The following TMEM178B variants were observed in gnomAD, a reference collection of about 807,000 sequenced individuals.
TMEM178B encodes transmembrane protein 178B.
TMEM178B carries 5 observed loss-of-function variants against 31.0 expected under a neutral mutation model. The ratio of observed to expected loss-of-function variants is 0.16; its 90% CI spans 0.08 to 0.34. TMEM178B has a LOEUF of 0.34. Among genes scored for constraint, TMEM178B ranks in the 10% least tolerant of loss-of-function variants. The pLI is 1.00. For synonymous variants in TMEM178B, 164 were observed against 164.0 expected (o/e 1.00, Z 0.00); for missense variants, 275 against 400.3 (o/e 0.69, Z 2.67).
intron 2 of TMEM178B, among the ~76,000 whole-genome samples, chr7:141,291,663 C>G (rs987258206): frequency 6.6e-6 from 1 of 152,034 alleles, no homozygotes; most frequent in African/African-American, 2.4e-5. Flanking sequence ...TAGCAAGAAC[C>G]CTGTGCCGAT....
intron 2 of TMEM178B, among the ~76,000 whole-genome samples, chr7:141,349,242 C>A (rs1799670508): frequency 6.6e-6 from 1 of 151,942 alleles, no homozygotes; most frequent in Non-Finnish European, 1.5e-5. Flanking sequence ...CTGATATTTC[C>A]TTTCTGTATT....
At chr7:141,360,044 C>G (rs559704076) in intron 2 of TMEM178B, among the ~76,000 whole-genome samples, 1 of 152,174 alleles carries the variant, frequency 6.6e-6, no homozygotes, top group Non-Finnish European at 1.5e-5. Flanking sequence ...TCCCACAACA[C>G]ATGGGAATTA....
chr7:141,317,085 G>A (rs1227716084), intron 2 of TMEM178B, among the ~76,000 whole-genome samples: 1 of 152,024 alleles, frequency 6.6e-6, no homozygotes, highest in African/African-American at 2.4e-5. Flanking sequence ...TCCTTTAGTA[G>A]ACATAGACCA....
At chr7:141,457,240 A>T (rs1309462528) in intron 3 of TMEM178B, among the ~76,000 whole-genome samples, 1 of 152,258 alleles carries the variant, frequency 6.6e-6, no homozygotes, top group Non-Finnish European at 1.5e-5. Flanking sequence ...GCTTTACAGC[A>T]AAATCAAATG....
chr7:141,321,576 C>G (rs984193516), intron 2 of TMEM178B, among the ~76,000 whole-genome samples: 1 of 152,162 alleles, frequency 6.6e-6, no homozygotes, highest in African/African-American at 2.4e-5. Context: ...GCCACAATTC[C>G]TTGAGTGTGG....
chr7:141,225,990 G>A (rs1248771568), intron 2 of TMEM178B, among the ~76,000 whole-genome samples: 2 of 152,094 alleles, frequency 1.3e-5, no homozygotes. Flanking sequence ...CACCAAATTA[G>A]AAATGAGCAA....
intron 1 of TMEM178B, among the ~76,000 whole-genome samples, chr7:141,144,041 G>A (rs188718687): frequency 6.6e-6 from 1 of 152,234 alleles, no homozygotes; most frequent in East Asian, 1.9e-4. Flanking sequence ...TTGGTGTCTA[G>A]AAATGACATG....
the TMEM178B span, among the ~76,000 whole-genome samples, chr7:141,490,011 T>C: frequency 6.6e-6 from 1 of 152,174 alleles, no homozygotes; most frequent in Non-Finnish European, 1.5e-5. Flanking sequence ...ATGGATGCGA[T>C]TGTCTGGTTG....
chr7:141,470,954 A>C lies in TMEM178B; in HGVS notation c.*168A>C, dbSNP rs951918109. ...GTGTTGCCTCATCTCTGAGATGGGG[A>C]AAGTTTTTCCATCCTGTGGCTCTTC... On this transcript the variant is annotated 3_prime_UTR_variant, in exon 4 of 4. Coordinates refer to ENST00000565468, the MANE Select transcript of TMEM178B (RefSeq NM_001195278.2). 1 of 250,286 alleles carries C rather than the reference A, an allele frequency of 4.0e-6. No individual in the cohort carries two copies. Among genetic ancestry groups the C allele is most frequent in the African/African-American group, 2.3e-5 (1 of 43,494 alleles). 15.5% of individuals were successfully genotyped at this position (250,286 alleles called of 1,614,324 possible). A position where few individuals can be genotyped will look rare whatever the true frequency, so the allele number is the denominator to read the frequency against.
At chr7:141,180,599 A>T (rs950179205) in intron 1 of TMEM178B, among the ~76,000 whole-genome samples, 3 of 152,068 alleles carry the variant, frequency 2.0e-5, no homozygotes, top group Non-Finnish European at 1.5e-5. Context: ...TAGTCACTTC[A>T]TGGGAACAAA....
chr7:141,197,329 G>A (rs1267435547), intron 1 of TMEM178B, among the ~76,000 whole-genome samples: 1 of 152,176 alleles, frequency 6.6e-6, no homozygotes, highest in African/African-American at 2.4e-5. Context: ...TTAAAGCCAG[G>A]ATTAGAACCC....
At chr7:141,243,244 T>C (rs1264358045) in intron 2 of TMEM178B, among the ~76,000 whole-genome samples, 2 of 152,096 alleles carry the variant, frequency 1.3e-5, no homozygotes, top group African/African-American at 2.4e-5. Context: ...GGACTCTGTG[T>C]GTGGTTTTGC....
intron 3 of TMEM178B, among the ~76,000 whole-genome samples, chr7:141,462,706 G>A (rs573199599): frequency 3.3e-5 from 5 of 152,198 alleles, no homozygotes; most frequent in Non-Finnish European, 5.9e-5. Flanking sequence ...TGAAGGAGAC[G>A]GAGGAGGCAG....
rs779559088 is a variant in TMEM178B at position 141,423,450 on chromosome 7, G to A, written c.497-14158G>A. ...ATGCTGAGTCTTTGACATCTGGTAC[G>A]TATTTTACACTTACAGCCTGTATCA... On this transcript the variant is annotated intron_variant, in intron 2 of 3. Coordinates refer to ENST00000565468, the MANE Select transcript of TMEM178B (RefSeq NM_001195278.2). Among the ~76,000 whole-genome samples, 6 of 152,148 alleles carry A rather than the reference G, an allele frequency of 3.9e-5. No homozygotes were observed. The South Asian group carries it at 6.2e-4, about 16-fold the overall frequency.
At chr7:141,411,031 T>C (rs908016493) in intron 2 of TMEM178B, among the ~76,000 whole-genome samples, 1 of 152,008 alleles carries the variant, frequency 6.6e-6, no homozygotes, top group African/African-American at 2.4e-5. Context: ...ATTAGAATGG[T>C]GTTCATGATG....
rs148797835 is a variant in TMEM178B, at chr7:141,108,862, A to G, written c.382+34170A>G. ...TGCTGCTGATAAAGACATACCTGAG[A>G]CTTGGCAATTTACAAAGGAAAGAGG... On this transcript the variant is annotated intron_variant, in intron 1 of 3. Transcript: ENST00000565468. Among the ~76,000 whole-genome samples the G allele has an allele frequency of 1.8e-4, 28 of 152,302 alleles. 1 individual carries two copies. The East Asian group carries it at 5.4e-3, about 29-fold the overall frequency.
rs1795989431 is a variant in TMEM178B, at chr7:141,152,305, G to T, written c.383-60286G>T. Among the ~76,000 whole-genome samples, 4 of 152,148 alleles carry T rather than the reference G, an allele frequency of 2.6e-5. No homozygotes were observed. The South Asian group carries it at 8.3e-4, about 32-fold the overall frequency. On this transcript the variant is annotated intron_variant, in intron 1 of 3. Transcript: ENST00000565468. ...TCCAGCCCAGCGTGGGTTGCTCTCT[G>T]CAGGGAGGCCCTTCTTGGTGGCTCA...
chr7:141,343,195 T>G (rs1799549144), intron 2 of TMEM178B, among the ~76,000 whole-genome samples: 1 of 152,020 alleles, frequency 6.6e-6, no homozygotes, highest in Non-Finnish European at 1.5e-5. Flanking sequence ...GTAGGTCTGA[T>G]TCATCCCCGT....
intron 2 of TMEM178B, among the ~76,000 whole-genome samples, chr7:141,215,334 A>ATTTTT (rs779584995): frequency 3.4e-5 from 2 of 59,052 alleles, no homozygotes; most frequent in Non-Finnish European, 4.9e-5. Flanking sequence ...TATTATTATT[A>ATTTTT]TTATTTTTTG....
Sources: allele counts gnomAD v4.1 joint callset (sites outside exome capture counted in the v4.1 genomes callset), GRCh38; gene constraint gnomAD v4.1.1; transcripts MANE v1.5; gene names NCBI Gene and HGNC (gene_info 2026-07-23, HGNC 2026-07-21).